The following SYN3 variants were observed in gnomAD, a reference collection of about 807,000 sequenced individuals.
SYN3 encodes the protein synapsin III.
In SYN3, 35 loss-of-function variants were observed where a neutral mutation model predicts 65.8. The observed-to-expected ratio is 0.53, with a 90% confidence interval of 0.41 to 0.70. The LOEUF is 0.70. Among genes scored for constraint, SYN3 ranks in the 30% least tolerant of loss-of-function variants. SYN3 has a pLI of 0.00. For synonymous variants in SYN3, 270 were observed against 292.9 expected (o/e 0.92, Z 0.80); for missense variants, 680 against 749.0 (o/e 0.91, Z 1.08).
chr22:32,873,945 G>C (rs1010153811), intron 4 of SYN3, among the ~76,000 whole-genome samples: 1 of 151,810 alleles, frequency 6.6e-6, no homozygotes, highest in African/African-American at 2.4e-5. Flanking sequence ...TGGCCAACGT[G>C]GCAAAACCCC....
intron 7 of SYN3, among the ~76,000 whole-genome samples, chr22:32,549,564 T>A (rs748263022): frequency 1.3e-5 from 2 of 152,182 alleles, no homozygotes; most frequent in Non-Finnish European, 2.9e-5. Context: ...ACATGCAAAC[T>A]TTTATCAAGA....
intron 7 of SYN3, among the ~76,000 whole-genome samples, chr22:32,588,085 G>C (rs2059076211): frequency 6.6e-6 from 1 of 151,948 alleles, no homozygotes; most frequent in South Asian, 2.1e-4. Flanking sequence ...TGCCTGCACA[G>C]AGTAAGCTCT....
intron 7 of SYN3, among the ~76,000 whole-genome samples, chr22:32,550,438 A>G (rs1352892013): frequency 2.6e-5 from 4 of 151,940 alleles, no homozygotes; most frequent in Non-Finnish European, 5.9e-5. Flanking sequence ...ATTTTTTAAA[A>G]CTGCTAAGAA....
At chr22:32,561,674 A>G (rs549752572) in intron 7 of SYN3, among the ~76,000 whole-genome samples, 112 of 152,144 alleles carry the variant, frequency 7.4e-4, no homozygotes, top group Non-Finnish European at 1.4e-3. Context: ...TGACATTCTG[A>G]TCAGAGAGTT....
At chr22:32,536,478 C>T (rs1367587061) in intron 9 of SYN3, among the ~76,000 whole-genome samples, 1 of 152,216 alleles carries the variant, frequency 6.6e-6, no homozygotes, top group Non-Finnish European at 1.5e-5. Context: ...AAAGCATGAG[C>T]ATGCCTAAGG....
At chr22:32,918,085 A>G (rs758238791) in intron 4 of SYN3, among the ~76,000 whole-genome samples, 4 of 152,236 alleles carry the variant, frequency 2.6e-5, no homozygotes, top group Non-Finnish European at 5.9e-5. Context: ...TGCCTGGTGC[A>G]AGCCAAGGCC....
intron 6 of SYN3, among the ~76,000 whole-genome samples, chr22:32,642,445 T>A (rs576834323): frequency 2.0e-4 from 31 of 151,828 alleles, no homozygotes; most frequent in African/African-American, 6.3e-4. Context: ...TCTTTTTATT[T>A]TATTTTTTTA....
intron 1 of SYN3, among the ~76,000 whole-genome samples, chr22:33,010,119 C>A (rs2053313880): frequency 6.6e-6 from 1 of 151,964 alleles, no homozygotes; most frequent in Non-Finnish European, 1.5e-5. Flanking sequence ...GTAATCCCAG[C>A]TACTTGGGAG....
chr22:32,584,044 C>G (rs928170044), intron 7 of SYN3: 1 of 152,242 alleles, frequency 6.6e-6, no homozygotes, highest in African/African-American at 2.4e-5. Flanking sequence ...TGTCCCATGA[C>G]TTTACTCTGC....
intron 6 of SYN3, among the ~76,000 whole-genome samples, chr22:32,767,114 G>A (rs769235792): frequency 2.0e-5 from 3 of 152,198 alleles, no homozygotes; most frequent in East Asian, 1.9e-4. Flanking sequence ...AATCCCTACT[G>A]CGCATCAGGG....
At chr22:32,530,482 G>A (rs547892145) in intron 10 of SYN3, among the ~76,000 whole-genome samples, 2 of 152,246 alleles carry the variant, frequency 1.3e-5, no homozygotes, top group East Asian at 1.9e-4. Flanking sequence ...GCACACCAGG[G>A]TAGGAACTGA....
intron 8 of SYN3, among the ~76,000 whole-genome samples, chr22:32,540,913 TTTA>T (rs1416378958): frequency 6.6e-6 from 1 of 152,242 alleles, no homozygotes; most frequent in Non-Finnish European, 1.5e-5. Context: ...ATGAAAATTG[TTTA>T]TTATTATTTC....
intron 6 of SYN3, among the ~76,000 whole-genome samples, chr22:32,663,931 T>C (rs1206585112): frequency 7.4e-6 from 1 of 135,430 alleles, no homozygotes; most frequent in Non-Finnish European, 1.5e-5. Context: ...TTAACAGCAT[T>C]CCCCCCCCAC....
chr22:32,935,642 G>C (rs1016089558), intron 3 of SYN3, among the ~76,000 whole-genome samples: 1 of 152,070 alleles, frequency 6.6e-6, no homozygotes, highest in African/African-American at 2.4e-5. Context: ...GTAGAGACAG[G>C]GTTTCACCAT....
intron 6 of SYN3, among the ~76,000 whole-genome samples, chr22:32,842,355 C>T (rs562160768): frequency 1.7e-4 from 26 of 152,138 alleles, no homozygotes; most frequent in Non-Finnish European, 3.4e-4. Context: ...CAGGCCTCTG[C>T]TTTTCACCCT....
At chr22:32,944,700 C>T (rs949263265) in intron 3 of SYN3, among the ~76,000 whole-genome samples, 3 of 152,150 alleles carry the variant, frequency 2.0e-5, no homozygotes, top group African/African-American at 7.2e-5. Context: ...CCAGGGCAAT[C>T]AGGCAGGAGA....
intron 7 of SYN3, among the ~76,000 whole-genome samples, chr22:32,558,571 C>A (rs879378236): frequency 7.2e-5 from 11 of 152,256 alleles, no homozygotes; most frequent in African/African-American, 2.7e-4. Context: ...TCTTTCCTAT[C>A]TTTTCCCTTC....
At chr22:32,921,910 G>T (rs2050344158) in intron 4 of SYN3, among the ~76,000 whole-genome samples, 1 of 152,102 alleles carries the variant, frequency 6.6e-6, no homozygotes, top group South Asian at 2.1e-4. Context: ...GCAAATCTGG[G>T]ATGTCCACCA....
chr22:32,799,798 C>A (rs2046518971), intron 6 of SYN3, among the ~76,000 whole-genome samples: 1 of 152,142 alleles, frequency 6.6e-6, no homozygotes, highest in African/African-American at 2.4e-5. Flanking sequence ...TCTCCAGTCT[C>A]CTGAGACCCT....
Sources: gnomAD v4.1 joint callset for allele counts (sites outside exome capture counted in the v4.1 genomes callset) on GRCh38, gnomAD v4.1.1 for gene constraint, MANE v1.5 for transcripts, NCBI Gene and HGNC (gene_info 2026-07-23, HGNC 2026-07-21) for gene names.